Variants in COX19 observed in about 807,000 individuals in gnomAD.
The protein encoded by COX19 is cytochrome c oxidase assembly factor COX19, also known as cytochrome c oxidase assembly protein COX19.
A neutral mutation model predicts 6.8 loss-of-function variants in COX19; 8 were observed. The ratio of observed to expected loss-of-function variants is 1.18; its 90% CI spans 0.69 to 2.12. The LOEUF is 2.12. Ranked by LOEUF, COX19 falls within the 30% of genes most tolerant of loss-of-function variation. COX19 has a pLI of 0.00. For missense variants in COX19, 131 were observed against 104.6 expected (o/e 1.25, Z -1.10); for synonymous variants, 51 against 38.0 (o/e 1.34, Z -1.26).
Position 964,871 on chromosome 7 carries a change from A to T in COX19, c.*4507T>A, listed in dbSNP as rs1460415174. ...TGGAAATTGTCTTTGGGAGCCTTTT[A>T]ATAATGTGGCCAGCTTATCATGACA... On this transcript the variant is annotated 3_prime_UTR_variant, in exon 3 of 3. Transcript: ENST00000344111. Among the ~76,000 whole-genome samples the T allele has an allele frequency of 6.6e-6, 1 of 152,258 alleles. No individual in the cohort carries two copies. Among genetic ancestry groups the T allele is most frequent in the Non-Finnish European group, 1.5e-5 (1 of 68,048 alleles).
rs371995637 is a variant in COX19, at chr7:971,736, T to C, written c.194+1445A>G. 5.4e-3 allele frequency among the ~76,000 whole-genome samples: 814 copies of C among 152,078 alleles called. 9 individuals are homozygous for C. Among genetic ancestry groups the C allele is most frequent in the African/African-American group, 0.019 (781 of 41,494 alleles). ...AATACAAAAAATTAGCCGGGCAAGG[T>C]GGCAGGCGCCTGTAGTCCCAGCTAC... On this transcript the variant is annotated intron_variant, in intron 2 of 2. Transcript: ENST00000344111.
intron 2 of COX19, among the ~76,000 whole-genome samples, chr7:972,138 G>A (rs1847644982): frequency 6.6e-6 from 1 of 152,188 alleles, no homozygotes. Context: ...GTTTTCTAAA[G>A]ATGCATTAAT....
intron 2 of COX19, among the ~76,000 whole-genome samples, chr7:971,042 A>C (rs1001246795): frequency 6.6e-6 from 1 of 152,118 alleles, no homozygotes; most frequent in Non-Finnish European, 1.5e-5. Flanking sequence ...CTTTACAGGG[A>C]TGGCCTCCTT....
rs976955428 is a variant in COX19, at chr7:967,196, C to T, written c.*2182G>A. ...TTTGCTGTCACATCTCAGACTTGATCACAGGTACGTACAGGAAAAAACAGC... is the reference window on the plus strand; with the variant it reads ...TTTGCTGTCACATCTCAGACTTGATTACAGGTACGTACAGGAAAAAACAGC... On this transcript the variant is annotated 3_prime_UTR_variant, in exon 3 of 3. Transcript: ENST00000344111. 1.3e-5 allele frequency: 2 copies of T among 152,218 alleles called. No individual in the cohort carries two copies. The highest frequency in any genetic ancestry group is 4.8e-5 in the African/African-American group (2 of 41,438). The allele number at this position is 152,218 out of a possible 1,614,324, so 9.4% of individuals were successfully genotyped here.
rs1045221345 is a variant in COX19 at position 966,458 on chromosome 7, T to C, written c.*2920A>G. The C allele has an allele frequency of 4.6e-5, 7 of 152,296 alleles. No individual in the cohort carries two copies. Among genetic ancestry groups the C allele is most frequent in the Admixed American group, 3.3e-4 (5 of 15,272 alleles). The allele number at this position is 152,296 out of a possible 1,614,324, so 9.4% of individuals were successfully genotyped here. On this transcript the variant is annotated 3_prime_UTR_variant, in exon 3 of 3. Transcript: ENST00000344111. ...CGTGAGCCGCTGCGCCCAGCCTGTT[T>C]ATTTTCACGCTCACACTGCCCCAGG...
chr7:974,268 A>AAG lies in COX19; in HGVS notation c.83-977_83-976insCT, dbSNP rs1554280654. Among the ~76,000 whole-genome samples, 227 of 149,732 alleles carry AAG rather than the reference A, an allele frequency of 1.5e-3. 2 individuals are homozygous for AAG. Among genetic ancestry groups the AAG allele is most frequent in the African/African-American group, 4.9e-3 (197 of 39,876 alleles). On this transcript the variant is annotated intron_variant, in intron 1 of 2. Transcript: ENST00000344111. Reference sequence around the variant, plus strand: ...CCATCTCTAAAAAAAAAAAAAAAAAAAAAATTAGCTGGGTGTGGCGCTGCA... The same window carrying AAG: ...CCATCTCTAAAAAAAAAAAAAAAAAAAGAAAATTAGCTGGGTGTGGCGCTGCA...
intron 2 of COX19, among the ~76,000 whole-genome samples, chr7:971,552 A>G (rs1193279564): frequency 6.6e-6 from 1 of 152,174 alleles, no homozygotes; most frequent in Non-Finnish European, 1.5e-5. Flanking sequence ...GAATTTTTAA[A>G]AAGAAAAAAA....
chr7:970,171 A>T (rs1053677367), intron 2 of COX19, among the ~76,000 whole-genome samples: 2 of 151,654 alleles, frequency 1.3e-5, no homozygotes, highest in African/African-American at 4.9e-5. Context: ...GTCTCGCTCT[A>T]TTGCCCAGGC....
At chr7:974,665 CT>C (rs1046460260) in intron 1 of COX19, among the ~76,000 whole-genome samples, 63 of 146,652 alleles carry the variant, frequency 4.3e-4, no homozygotes, top group Non-Finnish European at 4.7e-4. Flanking sequence ...TCTTTTCTTT[CT>C]TTTTTTTTTT....
At chr7:973,403 C>G in intron 1 of COX19, 111 bp from the exon 2 acceptor site, 1 of 1,344,160 alleles carries the variant, frequency 7.4e-7, no homozygotes, top group African/African-American at 1.5e-5. Context: ...TTCCTCAGGC[C>G]GGGCGCAGTG....
intron 2 of COX19, 60 bp downstream of exon 2, chr7:973,121 A>T (rs1202173704): frequency 1.6e-6 from 2 of 1,234,072 alleles, no homozygotes; most frequent in Non-Finnish European, 2.2e-6. Context: ...CCTTTCAGGA[A>T]AAAAAAAGTT....
Position 975,460 on chromosome 7 carries a change from G to T in COX19, c.50C>A (p.Pro17Gln). 1 of 1,599,878 alleles carries T rather than the reference G, an allele frequency of 6.3e-7. No individual in the cohort carries two copies. The highest frequency in any genetic ancestry group is 1.7e-5 in the Admixed American group (1 of 58,932). ...ATCCAGCGGGAAGCTGCCCTTGTCC[G>T]GGGGCCGCGGCTGGAAGCTCTTGGT... Reference protein sequence around the residue: ...FGTKSFQPRPPDKGSFPLDHL... With the variant: ...FGTKSFQPRPQDKGSFPLDHL... The change falls in exon 1 of 3, where the codon CCG becomes CAG. Residue 17 changes from proline (P) to glutamine (Q), a missense_variant. Pro to Gln is a moderately conservative substitution (Grantham distance 76). Coordinates refer to ENST00000344111, the MANE Select transcript of COX19 (RefSeq NM_001031617.3).
intron 1 of COX19, among the ~76,000 whole-genome samples, chr7:974,009 A>G (rs1274543421): frequency 1.3e-5 from 2 of 151,022 alleles, no homozygotes; most frequent in African/African-American, 4.9e-5. Flanking sequence ...ACATGGGGAA[A>G]CTCCATCTTT....
At chr7:969,654 C>G (rs1019098869) in intron 2 of COX19, among the ~76,000 whole-genome samples, 198 bp from the exon 3 acceptor site, 5 of 152,124 alleles carry the variant, frequency 3.3e-5, no homozygotes, top group Non-Finnish European at 7.4e-5. Context: ...GAGGACATGA[C>G]CACCTAGAGA....
chr7:974,525 C>A (rs1019724768), intron 1 of COX19, among the ~76,000 whole-genome samples: 1 of 152,144 alleles, frequency 6.6e-6, no homozygotes, highest in Non-Finnish European at 1.5e-5. Context: ...CAGCCCAGTA[C>A]GAGGTTAAGG....
rs185060038 is a variant in COX19, at chr7:973,867, G to A, written c.83-575C>T. On this transcript the variant is annotated intron_variant, in intron 1 of 2. Transcript: ENST00000344111. ...TGTAGTCCCAGCTACTCGGGAGGCTGAGGCAGGAGAATTGCTTGAACCCAG... is the reference window on the plus strand; with the variant it reads ...TGTAGTCCCAGCTACTCGGGAGGCTAAGGCAGGAGAATTGCTTGAACCCAG... 2.3e-3 allele frequency among the ~76,000 whole-genome samples: 352 copies of A among 151,490 alleles called. 1 individual carries two copies. The highest frequency in any genetic ancestry group is 7.8e-3 in the African/African-American group (323 of 41,246).
Position 969,344 on chromosome 7 carries a change from A to C in COX19, c.*34T>G. On this transcript the variant is annotated 3_prime_UTR_variant, in exon 3 of 3. Coordinates refer to ENST00000344111, the MANE Select transcript of COX19 (RefSeq NM_001031617.3). ...ATGATGCCCTCCGTCCTGAGAGACCACTGAACACGGCCCAGGGGTCTTCTC... is the reference window on the plus strand; with the variant it reads ...ATGATGCCCTCCGTCCTGAGAGACCCCTGAACACGGCCCAGGGGTCTTCTC... The C allele has an allele frequency of 7.4e-7, 1 of 1,358,450 alleles. No individual in the cohort carries two copies. Among genetic ancestry groups the C allele is most frequent in the Non-Finnish European group, 1.1e-6 (1 of 947,062 alleles). The allele number at this position is 1,358,450 out of a possible 1,614,324, so 84.1% of individuals were successfully genotyped here. A position where few individuals can be genotyped will look rare whatever the true frequency, so the allele number is the denominator to read the frequency against.
intron 2 of COX19, among the ~76,000 whole-genome samples, chr7:971,804 G>C (rs1291276316): frequency 6.6e-6 from 1 of 152,224 alleles, no homozygotes; most frequent in Non-Finnish European, 1.5e-5. Context: ...CCGGGAGGCG[G>C]AGCTTGCAGT....
intron 1 of COX19, among the ~76,000 whole-genome samples, chr7:974,371 A>C (rs1583204576): frequency 6.6e-6 from 1 of 152,136 alleles, no homozygotes; most frequent in Non-Finnish European, 1.5e-5. Context: ...CCGAGGCTTC[A>C]GTGAGCTATG....
Sources: allele counts gnomAD v4.1 joint callset (sites outside exome capture counted in the v4.1 genomes callset), GRCh38; gene constraint gnomAD v4.1.1; transcripts MANE v1.5; gene names NCBI Gene and HGNC (gene_info 2026-07-23, HGNC 2026-07-21).